Variants in DPYD observed in about 807,000 individuals in gnomAD.
The protein encoded by DPYD is dihydropyrimidine dehydrogenase [NADP(+)].
In DPYD, 109 loss-of-function variants were observed where a neutral mutation model predicts 116.2. The ratio of observed to expected loss-of-function variants is 0.94; its 90% CI spans 0.80 to 1.10. DPYD has a LOEUF of 1.10. Among genes scored for constraint, DPYD ranks in the 50% least tolerant of loss-of-function variants. The pLI is 0.00. For missense variants in DPYD, 1,302 were observed against 1,254.5 expected (o/e 1.04, Z -0.57); for synonymous variants, 440 against 432.0 (o/e 1.02, Z -0.23).
At chr1:97,769,819 C>A (rs960789564) in intron 3 of DPYD, among the ~76,000 whole-genome samples, 16 of 152,038 alleles carry the variant, frequency 1.1e-4, no homozygotes, top group Admixed American at 3.3e-4. Flanking sequence ...CTTTCCACTT[C>A]GGAAGTACCA....
chr1:97,443,935 T>C (rs1355005989), intron 14 of DPYD, among the ~76,000 whole-genome samples: 2 of 152,204 alleles, frequency 1.3e-5, no homozygotes, highest in East Asian at 3.9e-4. Context: ...AGCATCCTCC[T>C]CGCTTGCAGG....
intron 9 of DPYD, among the ~76,000 whole-genome samples, chr1:97,594,430 T>C (rs1005390311): frequency 2.0e-5 from 3 of 152,172 alleles, no homozygotes; most frequent in Admixed American, 6.5e-5. Flanking sequence ...GGGAGAAGCA[T>C]AAAAGTTTGT....
At chr1:97,396,366 T>C (rs1020297070) in intron 14 of DPYD, among the ~76,000 whole-genome samples, 14 of 152,184 alleles carry the variant, frequency 9.2e-5, no homozygotes, top group African/African-American at 3.4e-4. Flanking sequence ...ATACAACCTT[T>C]ATAGAAAATG....
chr1:97,567,872 T>A (rs1010640242), intron 11 of DPYD, among the ~76,000 whole-genome samples: 9 of 53,796 alleles, frequency 1.7e-4, no homozygotes, highest in Non-Finnish European at 3.8e-4. Flanking sequence ...AAATGGAGAT[T>A]TCTTTTTTTT....
intron 20 of DPYD, among the ~76,000 whole-genome samples, chr1:97,151,795 C>T (rs903861882): frequency 1.3e-5 from 2 of 152,070 alleles, no homozygotes; most frequent in Admixed American, 1.3e-4. Context: ...ATCTTCAAAT[C>T]CCTGTTCTTT....
intron 16 of DPYD, 49 bp from the exon 17 acceptor site, chr1:97,306,346 T>A: frequency 6.2e-7 from 1 of 1,609,768 alleles, no homozygotes; most frequent in African/African-American, 1.3e-5. Context: ...AGAATTGTGA[T>A]CAAAATGTGT....
At chr1:97,106,111 G>T (rs188129366) in intron 20 of DPYD, among the ~76,000 whole-genome samples, 1 of 152,240 alleles carries the variant, frequency 6.6e-6, no homozygotes, top group East Asian at 1.9e-4. Flanking sequence ...AGGGTGGACT[G>T]TAGGATGATG....
intron 20 of DPYD, among the ~76,000 whole-genome samples, chr1:97,123,724 T>C (rs1416652217): frequency 2.0e-5 from 3 of 152,200 alleles, no homozygotes; most frequent in African/African-American, 7.2e-5. Flanking sequence ...AATTCTCTCA[T>C]TTATCTTTCC....
At chr1:97,218,742 T>C (rs985251606) in intron 19 of DPYD, among the ~76,000 whole-genome samples, 9 of 152,176 alleles carry the variant, frequency 5.9e-5, no homozygotes, top group African/African-American at 2.4e-5. Flanking sequence ...AATAATGATA[T>C]GCCAAATCAA....
chr1:97,511,682 T>A (rs1459241569), intron 13 of DPYD, among the ~76,000 whole-genome samples: 1 of 151,928 alleles, frequency 6.6e-6, no homozygotes, highest in Non-Finnish European at 1.5e-5. Context: ...TCTACAGTCA[T>A]ACAGGTTATA....
chr1:97,788,189 G>A (rs1416468277), intron 3 of DPYD, among the ~76,000 whole-genome samples: 1 of 152,072 alleles, frequency 6.6e-6, no homozygotes, highest in African/African-American at 2.4e-5. Context: ...CAGAGACTTG[G>A]GACCTTCATT....
chr1:97,177,411 G>A (rs1657359907), intron 20 of DPYD, among the ~76,000 whole-genome samples: 1 of 152,134 alleles, frequency 6.6e-6, no homozygotes, highest in Admixed American at 6.6e-5. Flanking sequence ...GTGAGAGCAT[G>A]TTTAGTGATT....
At chr1:97,902,577 T>C (rs1673420015) in intron 1 of DPYD, among the ~76,000 whole-genome samples, 1 of 151,806 alleles carries the variant, frequency 6.6e-6, no homozygotes, top group African/African-American at 2.4e-5. Context: ...ATGTTATTCA[T>C]CTCAAAGATA....
chr1:97,398,435 G>T (rs535609481), intron 14 of DPYD, among the ~76,000 whole-genome samples: 1 of 152,260 alleles, frequency 6.6e-6, no homozygotes, highest in Admixed American at 6.5e-5. Flanking sequence ...ATAGCAGCAT[G>T]ATTTATAGTC....
chr1:97,146,718 GT>G lies in DPYD; in HGVS notation c.2622+46350del, dbSNP rs374446903. The stretch of plus-strand genomic sequence containing the variant: ...TGAGACAGAGACATATAAAAGTATG[GT>G]CCATATGGTATTTATAATTGGGGCT... On this transcript the variant is annotated intron_variant, in intron 20 of 22. Coordinates refer to ENST00000370192, the MANE Select transcript of DPYD (RefSeq NM_000110.4). Among the ~76,000 whole-genome samples the G allele has an allele frequency of 1.7e-3, 261 of 152,258 alleles. 1 individual carries two copies. Among genetic ancestry groups the G allele is most frequent in the African/African-American group, 6.0e-3 (249 of 41,560 alleles).
intron 16 of DPYD, among the ~76,000 whole-genome samples, chr1:97,338,170 G>C (rs979901218): frequency 2.1e-4 from 32 of 152,170 alleles, no homozygotes; most frequent in African/African-American, 7.7e-4. Context: ...CTGAGACATT[G>C]GGAAAATTAG....
At chr1:97,559,551 T>A (rs1236500991) in intron 11 of DPYD, among the ~76,000 whole-genome samples, 1 of 152,178 alleles carries the variant, frequency 6.6e-6, no homozygotes, top group Non-Finnish European at 1.5e-5. Flanking sequence ...GTAAACAGTT[T>A]AATGGTTTTT....
In DPYD at chr1:97,554,937, T is replaced by C. The variant is rs72732305; in HGVS notation, c.1340-5193A>G. Among the ~76,000 whole-genome samples, 741 of 152,170 alleles carry C rather than the reference T, an allele frequency of 4.9e-3. 9 individuals carry two copies. Among genetic ancestry groups the C allele is most frequent in the African/African-American group, 0.017 (697 of 41,548 alleles). On this transcript the variant is annotated intron_variant, in intron 11 of 22. Coordinates refer to ENST00000370192, the MANE Select transcript of DPYD (RefSeq NM_000110.4). ...TGTCATTTTCTCCTCTCCTCTCCAA[T>C]TTGAAAAAAACTTTGTTTTTGACAT...
At chr1:97,879,139 G>T (rs985032035) in intron 2 of DPYD, among the ~76,000 whole-genome samples, 14 of 152,012 alleles carry the variant, frequency 9.2e-5, no homozygotes, top group Non-Finnish European at 1.6e-4. Context: ...GCTTCCATGT[G>T]CCTCAATTCC....
Sources: allele counts gnomAD v4.1 joint callset (sites outside exome capture counted in the v4.1 genomes callset), GRCh38; gene constraint gnomAD v4.1.1; transcripts MANE v1.5; gene names NCBI Gene and HGNC (gene_info 2026-07-23, HGNC 2026-07-21).